CDH11: variants seen among roughly 807,000 people sequenced by gnomAD.
The protein encoded by CDH11 is cadherin-11.
In CDH11, 11 loss-of-function variants were observed where a neutral mutation model predicts 67.8. The ratio of observed to expected loss-of-function variants is 0.16; its 90% CI spans 0.10 to 0.27. The LOEUF (loss-of-function observed/expected upper bound fraction) is 0.27. CDH11 is among the 10% of genes least tolerant of loss of function. CDH11 has a pLI of 1.00. For missense variants in CDH11, 847 were observed against 1,031.2 expected, an observed-to-expected ratio of 0.82 and a Z score of 2.45; for synonymous variants, 419 against 400.0, an observed-to-expected ratio of 1.05 and a Z score of -0.57.
rs2071214045 is a variant in CDH11 at position 64,947,067 on chromosome 16, G to A, written c.*536C>T. 2 of 1,032,848 alleles carry A rather than the reference G, an allele frequency of 1.9e-6. No individual in the cohort carries two copies. Among genetic ancestry groups the A allele is most frequent in the Admixed American group, 5.7e-5 (1 of 17,660 alleles). 64.0% of individuals were successfully genotyped at this position (1,032,848 alleles called of 1,614,324 possible). ...GCAAAAAGATTTACAAGAATCAGCAGTAACAAGATTGATGCTCAAGAGACA... is the reference window on the plus strand; with the variant it reads ...GCAAAAAGATTTACAAGAATCAGCAATAACAAGATTGATGCTCAAGAGACA... On this transcript the variant is annotated 3_prime_UTR_variant, in exon 13 of 13. Coordinates refer to ENST00000268603, the MANE Select transcript of CDH11 (RefSeq NM_001797.4).
intron 2 of CDH11, among the ~76,000 whole-genome samples, chr16:65,024,832 A>G (rs1220755940): frequency 6.6e-6 from 1 of 152,242 alleles, no homozygotes; most frequent in Non-Finnish European, 1.5e-5. Flanking sequence ...TCTTTGGAAT[A>G]TACTAGAAAA....
chr16:64,980,816 A>G lies in CDH11; in HGVS notation c.1253+1232T>C, dbSNP rs78647814. On this transcript the variant is annotated intron_variant, in intron 8 of 12. Coordinates refer to ENST00000268603, the MANE Select transcript of CDH11 (RefSeq NM_001797.4). ...AGGATTCATGCAGAGAGGTAAATGA[A>G]AGACTGAGGGTTGGGAGACCCTGTG... Among the ~76,000 whole-genome samples, 1,200 of 152,236 alleles carry G rather than the reference A, an allele frequency of 7.9e-3. 7 individuals carry two copies. The highest frequency in any genetic ancestry group is 0.011 in the Non-Finnish European group (723 of 68,018).
intron 11 of CDH11, among the ~76,000 whole-genome samples, chr16:64,966,369 A>G (rs2071827500): frequency 6.6e-6 from 1 of 152,076 alleles, no homozygotes; most frequent in African/African-American, 2.4e-5. Context: ...AGGGCACCTG[A>G]AAAATAATTC....
rs2074610728 is a variant in CDH11, at chr16:65,081,547, T to C, written c.-297-27619A>G. On this transcript the variant is annotated intron_variant, in intron 1 of 12. Transcript: ENST00000268603. ...TCGGGCCACTGCACTCCAGCCTGGG[T>C]GACTGAACGAGACTCTGTCTCAAAA... Among the ~76,000 whole-genome samples, 13 of 148,006 alleles carry C rather than the reference T, an allele frequency of 8.8e-5. 1 individual carries two copies. In the Admixed American group the frequency reaches 8.9e-4, roughly 10 times the overall value.
chr16:65,041,781 T>G (rs1036350915), intron 2 of CDH11, among the ~76,000 whole-genome samples: 1 of 152,212 alleles, frequency 6.6e-6, no homozygotes, highest in African/African-American at 2.4e-5. Flanking sequence ...GTATTACAGA[T>G]GCACAGACTT....
At chr16:64,984,235 T>C (rs1463446895) in intron 7 of CDH11, among the ~76,000 whole-genome samples, 1 of 151,876 alleles carries the variant, frequency 6.6e-6, no homozygotes, top group Non-Finnish European at 1.5e-5. Context: ...GAGGTGGGGG[T>C]TGGAGTGGAA....
At chr16:65,095,328 G>A (rs772733533) in intron 1 of CDH11, among the ~76,000 whole-genome samples, 1 of 152,128 alleles carries the variant, frequency 6.6e-6, no homozygotes, top group Non-Finnish European at 1.5e-5. Flanking sequence ...GAGAAACAAT[G>A]TGCTTTACGT....
At chr16:64,953,229 C>G (rs1321347489) in intron 11 of CDH11, among the ~76,000 whole-genome samples, 1 of 151,518 alleles carries the variant, frequency 6.6e-6, no homozygotes, top group Non-Finnish European at 1.5e-5. Flanking sequence ...GGAAGGCCTA[C>G]TACAATTTAT....
rs371244673 is a variant in CDH11 at position 64,988,332 on chromosome 16, A to T, written c.824T>A (p.Met275Lys). Residue 275 changes from methionine to lysine, a missense_variant, in exon 7 of 13, where the codon ATG (methionine) becomes AAG (lysine). Around this residue, in one of 2 missense-constraint regions of CDH11, gnomAD observed 612 missense variants for 678.7 expected, o/e 0.90. Transcript: ENST00000268603. Reference protein sequence around the residue: ...PPKFPQSVYQMSVSEAAVPGE... With the variant: ...PPKFPQSVYQKSVSEAAVPGE... ...AGGGACGGCTGCTTCTGACACAGAC[A>T]TCTGGTATACGCCTAGAAGAAGAAG... The T allele has an allele frequency of 2.8e-5, 45 of 1,612,522 alleles. No homozygotes were observed. Among genetic ancestry groups the T allele is most frequent in the Non-Finnish European group, 3.7e-5 (44 of 1,179,262 alleles).
At chr16:65,037,782 G>A (rs2073783115) in intron 2 of CDH11, among the ~76,000 whole-genome samples, 2 of 151,932 alleles carry the variant, frequency 1.3e-5, no homozygotes. Flanking sequence ...GGAGCCTGGG[G>A]CTAGGGAGGG....
rs759802041 is a variant in CDH11, at chr16:64,947,662, G to A, written c.2332C>T (p.Arg778Cys). ...DYDYLQNWGP[R>C]FKKLADLYGS... ...TACAAATCTGCTAGTTTCTTAAAAC[G>A]AGGTCCCCAGTTCTGTAGATAATCA... Residue 778 changes from arginine (R) to cysteine (C), a missense_variant, in exon 13 of 13, where the codon CGT (arginine) becomes TGT (cysteine). Physicochemically the swap from Arg to Cys is radical, Grantham distance 180. Coordinates refer to ENST00000268603, the MANE Select transcript of CDH11 (RefSeq NM_001797.4). 3 of 1,613,978 alleles carry A rather than the reference G, an allele frequency of 1.9e-6. No homozygotes were observed. The highest frequency in any genetic ancestry group is 2.5e-6 in the Non-Finnish European group (3 of 1,179,960).
chr16:65,038,680 A>G (rs16968359), intron 2 of CDH11, among the ~76,000 whole-genome samples: 16,836 of 152,248 alleles, frequency 0.11, 1,160 homozygotes, highest in African/African-American at 0.19. Flanking sequence ...TAGGATGCAT[A>G]TCAAAGTCTA....
At chr16:64,996,979 G>C (rs983318644) in intron 4 of CDH11, among the ~76,000 whole-genome samples, 1 of 151,974 alleles carries the variant, frequency 6.6e-6, no homozygotes, top group African/African-American at 2.4e-5. Context: ...GTGTTACACA[G>C]TATATTCATG....
intron 2 of CDH11, among the ~76,000 whole-genome samples, chr16:65,044,968 C>A (rs1212679638): frequency 6.6e-6 from 1 of 151,976 alleles, no homozygotes; most frequent in African/African-American, 2.4e-5. Flanking sequence ...TGAGCTCCAG[C>A]CTCCCTGGTG....
chr16:64,978,244 A>G (rs2072233115), intron 8 of CDH11, among the ~76,000 whole-genome samples: 1 of 152,186 alleles, frequency 6.6e-6, no homozygotes, highest in Non-Finnish European at 1.5e-5. Context: ...TATTCAATAA[A>G]TATTTGTTAG....
intron 2 of CDH11, among the ~76,000 whole-genome samples, chr16:65,037,738 G>A (rs1381868185): frequency 2.6e-5 from 4 of 152,074 alleles, no homozygotes; most frequent in Admixed American, 6.5e-5. Context: ...CCGAGAAGAC[G>A]AGAGTGCCAA....
chr16:65,061,795 C>A (rs1027810031), intron 1 of CDH11, among the ~76,000 whole-genome samples: 10 of 152,314 alleles, frequency 6.6e-5, no homozygotes, highest in African/African-American at 1.9e-4. Flanking sequence ...TCCAAACAGG[C>A]AATTATGATG....
intron 1 of CDH11, among the ~76,000 whole-genome samples, chr16:65,105,884 T>C (rs1026590239): frequency 6.6e-6 from 1 of 152,234 alleles, no homozygotes; most frequent in African/African-American, 2.4e-5. Flanking sequence ...AGGCAATTCT[T>C]GAAGAGTGAT....
rs1403034112 is a variant in CDH11, at chr16:64,998,588, G to A, written c.497C>T (p.Ala166Val). ...CACATTGGACCTCTCAGGCACGTTGGCATGATAGGTCTCGTGCAGGAACTC... is the reference window on the plus strand; with the variant it reads ...CACATTGGACCTCTCAGGCACGTTGACATGATAGGTCTCGTGCAGGAACTC... ...PPEFLHETYH[A>V]NVPERSNVGT... Residue 166 changes from alanine (A) to valine (V), a missense_variant, in exon 4 of 13, where the codon GCC (alanine) becomes GTC (valine). Ala to Val is a moderately conservative substitution (Grantham distance 64, BLOSUM62 0). Coordinates refer to ENST00000268603, the MANE Select transcript of CDH11 (RefSeq NM_001797.4). 2 of 1,613,980 alleles carry A rather than the reference G, an allele frequency of 1.2e-6. No homozygotes were observed. The highest frequency in any genetic ancestry group is 1.1e-5 in the South Asian group (1 of 91,066).
Sources: gnomAD v4.1 joint callset for allele counts (sites outside exome capture counted in the v4.1 genomes callset) on GRCh38, gnomAD v4.1.1 for gene constraint, gnomAD v4.1.1 regional missense constraint, MANE v1.5 for transcripts, NCBI Gene and HGNC (gene_info 2026-07-23, HGNC 2026-07-21) for gene names.